NPC1: variants seen among roughly 807,000 people sequenced by gnomAD.
NPC1 encodes Niemann-Pick C1 protein.
NPC1 carries 85 observed loss-of-function variants against 140.4 expected under a neutral mutation model. That is an observed-to-expected ratio of 0.61 (90% CI 0.51 to 0.72). NPC1 has a LOEUF of 0.72. Ranked by LOEUF, NPC1 falls within the 30% of genes least tolerant of loss-of-function variation. The pLI is 0.00. For missense variants in NPC1, 1,504 were observed against 1,623.8 expected (o/e 0.93, Z 1.27); for synonymous variants, 656 against 624.8 (o/e 1.05, Z -0.74).
intron 9 of NPC1, among the ~76,000 whole-genome samples, chr18:23,554,168 C>T (rs887126730): frequency 2.0e-5 from 3 of 152,152 alleles, no homozygotes; most frequent in African/African-American, 7.2e-5. Flanking sequence ...CCCAGCTGTC[C>T]TTTCCTCTCC....
Position 23,533,434 on chromosome 18 carries a change from G to A in NPC1, c.3675C>T (p.Tyr1225=). 3.7e-6 allele frequency: 6 copies of A among 1,614,122 alleles called. No homozygotes were observed. The highest frequency in any genetic ancestry group is 5.1e-6 in the Non-Finnish European group (6 of 1,179,944). The change falls in exon 24 of 25, where the codon TAC becomes TAT. Residue 1225 remains tyrosine, a synonymous_variant. Coordinates refer to ENST00000269228, the MANE Select transcript of NPC1 (RefSeq NM_000271.5). The part of the protein sequence containing the change: ...FAKSQIFQIF[Y]FRMYLAMVLL... ...AGACCATGGCCAAATACATCCTGAA[G>A]TAGAATATCTGGAAAATTTGAGATT...
In NPC1 at chr18:23,548,004, ACT is replaced by A. The variant is rs1456597696; in HGVS notation, c.1757_1757+1del. ...GTCTGCTCACACCCATGAGTGACTC[ACT>A]CTTTTTCCCAGGCCTGGGCCCTCTG... is the stretch of plus-strand genomic sequence containing the variant. On this transcript the variant is annotated splice_donor_variant and coding_sequence_variant, in exon 11 of 25. Coordinates refer to ENST00000269228, the MANE Select transcript of NPC1 (RefSeq NM_000271.5). LOFTEE classifies it high-confidence loss of function. 1 of 1,544,916 alleles carries A rather than the reference ACT, an allele frequency of 6.5e-7. No homozygotes were observed. The highest frequency in any genetic ancestry group is 9.0e-7 in the Non-Finnish European group (1 of 1,117,276).
At chr18:23,551,265 G>A (rs1436304209) in intron 10 of NPC1, among the ~76,000 whole-genome samples, 1 of 152,148 alleles carries the variant, frequency 6.6e-6, no homozygotes, top group Non-Finnish European at 1.5e-5. Context: ...CTATCACAGA[G>A]GCTCTTACCT....
chr18:23,532,237 T>G lies in NPC1; in HGVS notation c.3802A>C (p.Lys1268Gln), dbSNP rs988215442. The change falls in exon 25 of 25, where the codon AAA (lysine) becomes CAA (glutamine). Residue 1268 changes from lysine (K) to glutamine (Q), a missense_variant. Coordinates refer to ENST00000269228, the MANE Select transcript of NPC1 (RefSeq NM_000271.5). Reference sequence around the variant, plus strand: ...AGAAGCCGTTCGCGCTCTGTTCCTTTGTATCGCTCTTCAGTGGCACAACTT... The same window carrying G: ...AGAAGCCGTTCGCGCTCTGTTCCTTGGTATCGCTCTTCAGTGGCACAACTT... ...AKSCATEERY[K>Q]GTERERLLNF 1 of 1,614,176 alleles carries G rather than the reference T, an allele frequency of 6.2e-7. No homozygotes were observed. Among genetic ancestry groups the G allele is most frequent in the East Asian group, 2.2e-5 (1 of 44,882 alleles).
chr18:23,534,205 T>C (rs1306417422), intron 23 of NPC1: 3 of 596,618 alleles, frequency 5.0e-6, no homozygotes, highest in Admixed American at 5.5e-5. Context: ...CTGTCTCATG[T>C]TTAACTTGTC....
chr18:23,529,232 G>C, downstream of NPC1: 2 of 1,614,102 alleles, frequency 1.2e-6, no homozygotes, highest in Middle Eastern at 1.7e-4. Flanking sequence ...GGCCGGTGCG[G>C]ACCCAGGCGG....
intron 24 of NPC1, 105 bp downstream of exon 24, chr18:23,533,250 G>T: frequency 8.3e-7 from 1 of 1,198,258 alleles, no homozygotes; most frequent in Non-Finnish European, 1.2e-6. Context: ...ATTATCAAAT[G>T]ACCATTAGTA....
At chr18:23,564,620 G>T (rs921957732) in intron 4 of NPC1, among the ~76,000 whole-genome samples, 2 of 152,090 alleles carry the variant, frequency 1.3e-5, no homozygotes, top group African/African-American at 4.8e-5. Flanking sequence ...ACTGTGCCCG[G>T]CCTTCTTGTC....
At chr18:23,513,701 C>T (rs952221142) in intron 3 of NPC1, among the ~76,000 whole-genome samples, 1 of 152,178 alleles carries the variant, frequency 6.6e-6, no homozygotes, top group Non-Finnish European at 1.5e-5. Flanking sequence ...CTCACCAACA[C>T]TTGCTGTTTT....
chr18:23,552,607 G>A (rs1788762), intron 9 of NPC1, among the ~76,000 whole-genome samples: 3 of 152,132 alleles, frequency 2.0e-5, no homozygotes, highest in Non-Finnish European at 4.4e-5. Context: ...GCGCAATGGC[G>A]CAGGCAAGAG....
In NPC1 at chr18:23,539,819, C is replaced by T. The variant is rs1354533481; in HGVS notation, c.2787G>A (p.Leu929=). 3.1e-6 allele frequency: 5 copies of T among 1,614,130 alleles called. No homozygotes were observed. The highest frequency in any genetic ancestry group is 1.7e-4 in the Middle Eastern group (1 of 6,046). The change falls in exon 18 of 25, where the codon CTG becomes CTA. Residue 929 remains leucine (L), a synonymous_variant. Coordinates refer to ENST00000269228, the MANE Select transcript of NPC1 (RefSeq NM_000271.5). ...GACAAGGTGGTACTGACTAGTTGTC[C>T]AGCTGCGCCGCGTTAAATATCTGCT... The part of the protein sequence containing the change: ...LVQQIFNAAQ[L]DNYTRIGFAP...
At chr18:23,524,611 AT>A (rs113496800), downstream of NPC1, 26,887 of 684,814 alleles carry the variant, frequency 0.039, 486 homozygotes, top group African/African-American at 0.14. Context: ...TGGGAATGGG[AT>A]TTTTTTTTTT....
rs1425747875 is a variant in NPC1, at chr18:23,557,167, T to C, written c.905A>G (p.Tyr302Cys). ...AGCTATATTGCTATCGATGGGAGTG[T>C]ACTCGGAGACAAAATACCGTTTTCT... The part of the protein sequence containing the change: ...CYRKRYFVSE[Y>C]TPIDSNIAFS... Residue 302 changes from tyrosine to cysteine, a missense_variant, in exon 7 of 25, where the codon TAC (tyrosine) becomes TGC (cysteine). Tyr to Cys is a radical substitution (Grantham distance 194). Coordinates refer to ENST00000269228, the MANE Select transcript of NPC1 (RefSeq NM_000271.5). The C allele has an allele frequency of 2.5e-6, 4 of 1,613,478 alleles. No individual in the cohort carries two copies. The highest frequency in any genetic ancestry group is 1.7e-5 in the Admixed American group (1 of 60,014).
rs1396522289 is a variant in NPC1 at position 23,531,985 on chromosome 18, A to T, written c.*217T>A. 6 of 1,457,834 alleles carry T rather than the reference A, an allele frequency of 4.1e-6. No individual in the cohort carries two copies. Among genetic ancestry groups the T allele is most frequent in the Non-Finnish European group, 5.4e-6 (6 of 1,111,982 alleles). The allele number at this position is 1,457,834 out of a possible 1,614,324, so 90.3% of individuals were successfully genotyped here. The stretch of plus-strand genomic sequence containing the variant: ...TTTCTTTCCTGAAGAGGCTGGGAGA[A>T]GTTTAGTGTCCTGTGGTTGCCTCCA... On this transcript the variant is annotated 3_prime_UTR_variant, in exon 25 of 25. Transcript: ENST00000269228.
At position 23,544,943 on chromosome 18, in the gene NPC1, A is replaced by ACCACC. The variant is rs55809701; in HGVS notation, c.1947+16_1947+17insGGTGG. ...GCTGTTAACCTCTAGAACATACACC[A>ACCACC]CCCCCCCCCGGCTTACCAGAAGCCT... On this transcript the variant is annotated intron_variant, in intron 12 of 24. Transcript: ENST00000269228. The ACCACC allele has an allele frequency of 1.3e-4, 140 of 1,042,278 alleles. 5 individuals are homozygous for ACCACC. Among genetic ancestry groups the ACCACC allele is most frequent in the Middle Eastern group, 8.9e-4 (4 of 4,518 alleles). 64.6% of individuals were successfully genotyped at this position (1,042,278 alleles called of 1,614,324 possible). A position where few individuals can be genotyped will look rare whatever the true frequency, so the allele number is the denominator to read the frequency against.
intron 3 of NPC1, among the ~76,000 whole-genome samples, chr18:23,507,326 C>T (rs906470549): frequency 2.6e-5 from 4 of 152,130 alleles, no homozygotes; most frequent in African/African-American, 7.2e-5. Flanking sequence ...GTGATGTGAT[C>T]TCGGCTCACT....
intron 1 of NPC1, among the ~76,000 whole-genome samples, chr18:23,574,444 A>AT (rs907102382): frequency 5.3e-5 from 8 of 151,208 alleles, no homozygotes; most frequent in African/African-American, 1.7e-4. Flanking sequence ...TGGGAAAGCC[A>AT]TAAAAAAAAA....
At chr18:23,575,151 G>A (rs1283699575) in intron 1 of NPC1, among the ~76,000 whole-genome samples, 1 of 152,234 alleles carries the variant, frequency 6.6e-6, no homozygotes, top group Non-Finnish European at 1.5e-5. Flanking sequence ...ACAAGAGACA[G>A]ATGTGCAGTC....
At chr18:23,582,566 C>T (rs1161654179) in intron 1 of NPC1, among the ~76,000 whole-genome samples, 13 of 152,042 alleles carry the variant, frequency 8.6e-5, no homozygotes, top group African/African-American at 1.9e-4. Flanking sequence ...CTTTGGGAGG[C>T]GGAGGTGGAT....
Sources: gnomAD v4.1 joint callset for allele counts (sites outside exome capture counted in the v4.1 genomes callset) on GRCh38, gnomAD v4.1.1 for gene constraint, MANE v1.5 for transcripts, NCBI Gene and HGNC (gene_info 2026-07-23, HGNC 2026-07-21) for gene names.